The following ZMIZ1 variants were observed in gnomAD, a reference collection of about 807,000 sequenced individuals.
ZMIZ1 encodes zinc finger MIZ-type containing 1.
In ZMIZ1, 17 loss-of-function variants were observed where a neutral mutation model predicts 113.9. The observed-to-expected ratio is 0.15, with a 90% confidence interval of 0.10 to 0.22. The LOEUF is 0.22. ZMIZ1 is among the 10% of genes least tolerant of loss of function. ZMIZ1 has a pLI of 1.00. For missense variants in ZMIZ1, 1,059 were observed against 1,477.8 expected (o/e 0.72, Z 4.65); for synonymous variants, 607 against 603.1 (o/e 1.01, Z -0.09).
chr10:79,171,315 A>C (rs763102014), intron 4 of ZMIZ1, among the ~76,000 whole-genome samples: 1 of 152,234 alleles, frequency 6.6e-6, no homozygotes, highest in Non-Finnish European at 1.5e-5. Context: ...GGATGAGGCC[A>C]GGGCCTAGAA....
At chr10:79,087,184 A>G (rs1039711545) in intron 1 of ZMIZ1, among the ~76,000 whole-genome samples, 8 of 152,252 alleles carry the variant, frequency 5.3e-5, no homozygotes, top group Admixed American at 5.2e-4. Flanking sequence ...TGCGCACTGC[A>G]CAAGTTGGGG....
At chr10:79,239,335 A>G (rs58215972) in intron 7 of ZMIZ1, among the ~76,000 whole-genome samples, 22 of 119,718 alleles carry the variant, frequency 1.8e-4, no homozygotes, top group African/African-American at 8.1e-4. Flanking sequence ...TATGCTCTAC[A>G]CTCCCACGTG....
chr10:79,114,506 CGTGTGTGTGT>C (rs57304757), intron 1 of ZMIZ1, among the ~76,000 whole-genome samples: 2 of 93,248 alleles, frequency 2.1e-5, no homozygotes, highest in Middle Eastern at 4.9e-3. Context: ...TGTGTGTGTG[CGTGTGTGTGT>C]GTGTGTGTGT....
chr10:79,110,535 G>A (rs1223985801), intron 1 of ZMIZ1, among the ~76,000 whole-genome samples: 1 of 152,204 alleles, frequency 6.6e-6, no homozygotes, highest in Non-Finnish European at 1.5e-5. Flanking sequence ...CCTGCAAGAG[G>A]TGCCCTGGGG....
chr10:79,288,247 G>A (rs1315259186), intron 8 of ZMIZ1, among the ~76,000 whole-genome samples: 1 of 152,214 alleles, frequency 6.6e-6, no homozygotes, highest in Non-Finnish European at 1.5e-5. Context: ...GCTGCCTGCG[G>A]GTCATGCAGC....
chr10:79,289,975 C>T (rs900850388), intron 9 of ZMIZ1, 86 bp downstream of exon 9: 14 of 1,324,784 alleles, frequency 1.1e-5, no homozygotes, highest in Non-Finnish European at 1.5e-5. Flanking sequence ...CCTCTTCACC[C>T]TCACAGGCCT....
intron 7 of ZMIZ1, among the ~76,000 whole-genome samples, chr10:79,230,936 TG>T (rs1849370521): frequency 6.6e-6 from 1 of 152,350 alleles, no homozygotes; most frequent in African/African-American, 2.4e-5. Flanking sequence ...GGTGGCCCCA[TG>T]GGTCAAGGCC....
rs1845935527 is a variant in ZMIZ1 at position 79,157,309 on chromosome 10, C to T, written c.-130-4744C>T. Among the ~76,000 whole-genome samples, 5 of 151,972 alleles carry T rather than the reference C, an allele frequency of 3.3e-5. No individual in the cohort carries two copies. The South Asian group carries it at 1.0e-3, about 32-fold the overall frequency. On this transcript the variant is annotated intron_variant, in intron 3 of 24. Coordinates refer to ENST00000334512, the MANE Select transcript of ZMIZ1 (RefSeq NM_020338.4). ...CAGGGTTATTGAGGAAGGAGCCTGG[C>T]AGGTGGGAGAATCTACCACGTTTGA...
chr10:79,070,546 C>A (rs944056988), intron 1 of ZMIZ1, among the ~76,000 whole-genome samples: 1 of 152,104 alleles, frequency 6.6e-6, no homozygotes, highest in Non-Finnish European at 1.5e-5. Context: ...CCGGGCCCCC[C>A]ACCCCTCCCC....
intron 3 of ZMIZ1, among the ~76,000 whole-genome samples, chr10:79,151,023 G>T (rs1312251489): frequency 6.6e-6 from 1 of 152,076 alleles, no homozygotes; most frequent in Non-Finnish European, 1.5e-5. Flanking sequence ...GTGTCTTAAA[G>T]GGGGCCAAGC....
chr10:79,277,846 G>A (rs2131975975), intron 8 of ZMIZ1, among the ~76,000 whole-genome samples: 1 of 152,374 alleles, frequency 6.6e-6, no homozygotes, highest in African/African-American at 2.4e-5. Context: ...CTCAGAAGGA[G>A]CACGTGGCCA....
chr10:79,248,551 C>T (rs1850350813), intron 7 of ZMIZ1, among the ~76,000 whole-genome samples: 1 of 152,116 alleles, frequency 6.6e-6, no homozygotes, highest in Non-Finnish European at 1.5e-5. Flanking sequence ...GGGAGTAGTG[C>T]GAGGTCGGCG....
chr10:79,217,462 C>T (rs1317106899), intron 7 of ZMIZ1, among the ~76,000 whole-genome samples: 1 of 152,060 alleles, frequency 6.6e-6, no homozygotes, highest in African/African-American at 2.4e-5. Flanking sequence ...AAGTACCTAG[C>T]ACCGTGTCTG....
At chr10:79,122,686 C>T (rs1386694733) in intron 2 of ZMIZ1, among the ~76,000 whole-genome samples, 1 of 152,202 alleles carries the variant, frequency 6.6e-6, no homozygotes, top group African/African-American at 2.4e-5. Flanking sequence ...AGTCCTTTCA[C>T]ACCCATCACA....
chr10:79,142,700 C>G (rs187003590), intron 3 of ZMIZ1, among the ~76,000 whole-genome samples: 1 of 152,226 alleles, frequency 6.6e-6, no homozygotes, highest in Admixed American at 6.5e-5. Flanking sequence ...GGGCCCTCCC[C>G]GTCACCCTGG....
intron 8 of ZMIZ1, chr10:79,285,691 G>A: frequency 2.4e-6 from 1 of 422,558 alleles, no homozygotes; most frequent in Non-Finnish European, 4.8e-6. Context: ...GAGCCCTATT[G>A]GTGTGTGAAG....
intron 7 of ZMIZ1, among the ~76,000 whole-genome samples, chr10:79,276,611 AG>A (rs1007877774): frequency 3.9e-5 from 6 of 152,042 alleles, no homozygotes; most frequent in African/African-American, 1.4e-4. Context: ...GGTGTGTGCT[AG>A]GGGGCCAGTT....
At chr10:79,084,062 T>C (rs1281442564) in intron 1 of ZMIZ1, among the ~76,000 whole-genome samples, 2 of 152,228 alleles carry the variant, frequency 1.3e-5, no homozygotes, top group Non-Finnish European at 2.9e-5. Context: ...CTCCACTCTA[T>C]GCACCATAGT....
At chr10:79,267,749 C>G (rs974065156) in intron 7 of ZMIZ1, among the ~76,000 whole-genome samples, 1 of 152,110 alleles carries the variant, frequency 6.6e-6, no homozygotes, top group East Asian at 1.9e-4. Context: ...TGAGATGGGC[C>G]GTCTCTCACT....
Sources: gnomAD v4.1 joint callset for allele counts (sites outside exome capture counted in the v4.1 genomes callset) on GRCh38, gnomAD v4.1.1 for gene constraint, MANE v1.5 for transcripts, NCBI Gene and HGNC (gene_info 2026-07-23, HGNC 2026-07-21) for gene names.